CELF1: variants seen among roughly 807,000 people sequenced by gnomAD.
CELF1 encodes CUGBP Elav-like family member 1, also known as 50 kDa nuclear polyadenylated RNA-binding protein.
Under a neutral mutation model 61.8 loss-of-function variants are expected in CELF1, and 10 were observed. That is an observed-to-expected ratio of 0.16 (90% CI 0.10 to 0.27). The LOEUF (loss-of-function observed/expected upper bound fraction) is 0.27. Among genes scored for constraint, CELF1 ranks in the 10% least tolerant of loss-of-function variants. CELF1 has a pLI of 1.00. For synonymous variants in CELF1, 236 were observed against 225.1 expected, an observed-to-expected ratio of 1.05 and a Z score of -0.43; for missense variants, 380 against 639.1, an observed-to-expected ratio of 0.59 and a Z score of 4.37.
chr11:47,481,713 C>T (rs1446517453), intron 9 of CELF1, among the ~76,000 whole-genome samples: 1 of 152,102 alleles, frequency 6.6e-6, no homozygotes, highest in Non-Finnish European at 1.5e-5. Context: ...AATTCTTTTC[C>T]ATTAATAATC....
intron 3 of CELF1, among the ~76,000 whole-genome samples, chr11:47,490,509 C>A (rs1222782166): frequency 6.6e-6 from 1 of 151,056 alleles, no homozygotes; most frequent in African/African-American, 2.4e-5. Flanking sequence ...TCTCTGCAAC[C>A]TCCTCCTCCC....
intron 1 of CELF1, among the ~76,000 whole-genome samples, chr11:47,548,526 T>C (rs1005392136): frequency 2.6e-5 from 4 of 152,198 alleles, no homozygotes; most frequent in Middle Eastern, 6.8e-3. Context: ...AATTACAGAA[T>C]GGGAGAAAAT....
At chr11:47,539,496 T>C (rs2153717388) in intron 1 of CELF1, among the ~76,000 whole-genome samples, 1 of 152,100 alleles carries the variant, frequency 6.6e-6, no homozygotes, top group South Asian at 2.1e-4. Flanking sequence ...CTACTAAAAA[T>C]ACAAAAAATC....
In CELF1 at chr11:47,469,149, C is replaced by T. The variant is rs2077157972; in HGVS notation, c.*3081G>A. 6.6e-6 allele frequency: 1 copy of T among 152,204 alleles called. No individual in the cohort carries two copies. Among genetic ancestry groups the T allele is most frequent in the Admixed American group, 6.5e-5 (1 of 15,268 alleles). 9.4% of individuals were successfully genotyped at this position (152,204 alleles called of 1,614,324 possible). The stretch of plus-strand genomic sequence containing the variant: ...GAAGGGAACCTAAGGCTTGGATTTT[C>T]CATGAAGCACCCAACTCCTAAGAGA... On this transcript the variant is annotated 3_prime_UTR_variant, in exon 15 of 15. Coordinates refer to ENST00000687097, the MANE Select transcript of CELF1 (RefSeq NM_001376376.1).
chr11:47,561,351 G>A (rs2097224564), intron 2 of CELF1, among the ~76,000 whole-genome samples: 1 of 144,852 alleles, frequency 6.9e-6, no homozygotes, highest in Admixed American at 7.4e-5. Flanking sequence ...GCTGAGGCAG[G>A]AGAATGGCAT....
chr11:47,474,165 G>A (rs1432351530), intron 13 of CELF1, among the ~76,000 whole-genome samples: 1 of 152,190 alleles, frequency 6.6e-6, no homozygotes, highest in Non-Finnish European at 1.5e-5. Flanking sequence ...TCAAAGTGCT[G>A]GGATTACAGG....
At chr11:47,474,626 T>C (rs1565739199) in intron 13 of CELF1, among the ~76,000 whole-genome samples, 1 of 152,202 alleles carries the variant, frequency 6.6e-6, no homozygotes, top group Non-Finnish European at 1.5e-5. Context: ...TCACAGCAGG[T>C]GAGGAGAGAT....
At chr11:47,515,981 A>G (rs149651432) in intron 1 of CELF1, among the ~76,000 whole-genome samples, 6,046 of 149,876 alleles carry the variant, frequency 0.04, 399 homozygotes, top group African/African-American at 0.14. Context: ...TAGTGGTGCA[A>G]TCTTGGCTCC....
rs1302025421 is a variant in CELF1 at position 47,483,457 on chromosome 11, A to G, written c.602T>C (p.Met201Thr). ...CATCACCTATCTGCTCCCTACCTCC[A>G]TGGTCTGTGCTTGGTGCATTGCCTT... ...AIKAMHQAQT[M>T]EGCSSPMVVK... is the part of the protein sequence containing the mutation. The change falls in exon 8 of 15, where the codon ATG becomes ACG. Residue 201 changes from methionine (M) to threonine (T), a missense_variant. Coordinates refer to ENST00000687097, the MANE Select transcript of CELF1 (RefSeq NM_001376376.1). 1 of 1,613,664 alleles carries G rather than the reference A, an allele frequency of 6.2e-7. No individual in the cohort carries two copies. Among genetic ancestry groups the G allele is most frequent in the East Asian group, 2.2e-5 (1 of 44,888 alleles).
intron 6 of CELF1, among the ~76,000 whole-genome samples, chr11:47,486,083 C>T (rs1441902838): frequency 1.9e-5 from 1 of 52,252 alleles, no homozygotes; most frequent in Admixed American, 2.1e-4. Flanking sequence ...ATGCAGTGAA[C>T]CCGGGAGGCG....
At chr11:47,544,346 G>C (rs1367454890) in intron 1 of CELF1, among the ~76,000 whole-genome samples, 2 of 152,198 alleles carry the variant, frequency 1.3e-5, no homozygotes, top group Non-Finnish European at 2.9e-5. Flanking sequence ...ATCAGGCACT[G>C]TTCAGTGCCT....
rs2085398002 is a variant in CELF1 at position 47,484,522 on chromosome 11, T to C, written c.393A>G (p.Ala131=). 4.4e-6 allele frequency: 7 copies of C among 1,604,982 alleles called. No homozygotes were observed. The East Asian group carries it at 1.6e-4, about 36-fold the overall frequency. The change falls in exon 7 of 15, where the codon GCA becomes GCG. Residue 131 remains alanine (A), a splice_region_variant and synonymous_variant. Coordinates refer to ENST00000687097, the MANE Select transcript of CELF1 (RefSeq NM_001376376.1). ...MKPADSEKNN[A]VEDRKLFIGM... is the part of the protein sequence containing the mutation. The stretch of plus-strand genomic sequence containing the variant: ...CAATAAACAGCTTCCTGTCTTCCAC[T>C]GCTAAGAGAGTAAAACAGAAAAGAC...
intron 1 of CELF1, among the ~76,000 whole-genome samples, chr11:47,531,567 T>TCAAACAAACAAACAAA (rs112404433): frequency 7.9e-5 from 12 of 151,082 alleles, no homozygotes; most frequent in South Asian, 4.2e-4. Flanking sequence ...AGACTCCATC[T>TCAAACAAACAAACAAA]CAAACAAACA....
intron 1 of CELF1, among the ~76,000 whole-genome samples, chr11:47,530,824 A>G (rs2096445587): frequency 6.6e-6 from 1 of 152,054 alleles, no homozygotes; most frequent in Non-Finnish European, 1.5e-5. Context: ...GCATGGTGGC[A>G]TGTGCCTGTA....
intron 1 of CELF1, among the ~76,000 whole-genome samples, chr11:47,550,456 G>T (rs943630356): frequency 2.0e-5 from 3 of 152,082 alleles, no homozygotes; most frequent in African/African-American, 7.2e-5. Flanking sequence ...GCTTGAGCCC[G>T]GGGGACAGGG....
intron 1 of CELF1, among the ~76,000 whole-genome samples, chr11:47,539,497 A>C (rs921158565): frequency 2.0e-5 from 3 of 152,152 alleles, no homozygotes; most frequent in Non-Finnish European, 4.4e-5. Context: ...TACTAAAAAT[A>C]CAAAAAATCA....
intron 1 of CELF1, among the ~76,000 whole-genome samples, chr11:47,512,964 G>C (rs1361437990): frequency 6.6e-6 from 1 of 152,166 alleles, no homozygotes; most frequent in Non-Finnish European, 1.5e-5. Flanking sequence ...AAATGGACAA[G>C]TGAGATTTCC....
At chr11:47,529,449 G>C (rs2096385499) in intron 1 of CELF1, among the ~76,000 whole-genome samples, 1 of 152,144 alleles carries the variant, frequency 6.6e-6, no homozygotes, top group Non-Finnish European at 1.5e-5. Flanking sequence ...CACGTTGCGA[G>C]GCCGAGGCGA....
At chr11:47,486,314 C>T (rs1420073052) in intron 6 of CELF1, among the ~76,000 whole-genome samples, 5 of 151,804 alleles carry the variant, frequency 3.3e-5, no homozygotes, top group Admixed American at 2.0e-4. Flanking sequence ...TGTTCTTCAT[C>T]ATACTTTTAA....
Sources: gnomAD v4.1 joint callset for allele counts (sites outside exome capture counted in the v4.1 genomes callset) on GRCh38, gnomAD v4.1.1 for gene constraint, MANE v1.5 for transcripts, NCBI Gene and HGNC (gene_info 2026-07-23, HGNC 2026-07-21) for gene names.